The following CSGALNACT1 variants were observed in gnomAD, a reference collection of about 807,000 sequenced individuals.
CSGALNACT1 encodes chondroitin sulfate N-acetylgalactosaminyltransferase 1, also known as beta4GalNAcT-1.
A neutral mutation model predicts 51.0 loss-of-function variants in CSGALNACT1; 52 were observed. The ratio of observed to expected loss-of-function variants is 1.02; its 90% CI spans 0.82 to 1.29. The LOEUF (loss-of-function observed/expected upper bound fraction) is 1.29. CSGALNACT1 is among the 50% of genes most tolerant of loss of function. The probability of loss-of-function intolerance (pLI) is 0.00; values close to 1 mark genes in which losing one functional copy is unlikely to be tolerated. For missense variants in CSGALNACT1, 935 were observed against 679.2 expected (o/e 1.38, Z -4.19); for synonymous variants, 341 against 254.4 (o/e 1.34, Z -3.24).
intron 1 of CSGALNACT1, among the ~76,000 whole-genome samples, chr8:19,732,202 T>C (rs1391255144): frequency 6.6e-6 from 1 of 152,222 alleles, no homozygotes; most frequent in African/African-American, 2.4e-5. Context: ...AACGGTTGTG[T>C]TTCTCCTGCT....
At chr8:19,570,386 A>G (rs899335207) in intron 3 of CSGALNACT1, among the ~76,000 whole-genome samples, 1 of 152,158 alleles carries the variant, frequency 6.6e-6, no homozygotes, top group African/African-American at 2.4e-5. Context: ...TCCAACAAAG[A>G]ATTGTATTCT....
intron 3 of CSGALNACT1, among the ~76,000 whole-genome samples, chr8:19,518,145 T>A (rs2079924203): frequency 6.6e-6 from 1 of 152,188 alleles, no homozygotes; most frequent in Non-Finnish European, 1.5e-5. Flanking sequence ...TACTTTCTGA[T>A]ACAGGAGTTA....
At chr8:19,431,310 A>G (rs1157142847) in intron 6 of CSGALNACT1, among the ~76,000 whole-genome samples, 1 of 151,994 alleles carries the variant, frequency 6.6e-6, no homozygotes, top group Non-Finnish European at 1.5e-5. Flanking sequence ...GGTTTTTTGT[A>G]TGTGTCCTTT....
intron 3 of CSGALNACT1, among the ~76,000 whole-genome samples, chr8:19,583,865 G>A (rs543536739): frequency 1.6e-4 from 24 of 152,262 alleles, no homozygotes; most frequent in African/African-American, 5.8e-4. Flanking sequence ...TCCCAAATCT[G>A]TTGCCCACAT....
intron 4 of CSGALNACT1, among the ~76,000 whole-genome samples, chr8:19,492,328 G>T (rs2074527012): frequency 6.6e-6 from 1 of 152,156 alleles, no homozygotes; most frequent in African/African-American, 2.4e-5. Context: ...GCATACTGCT[G>T]GGCTATGCCT....
chr8:19,444,664 G>C (rs775433909), intron 5 of CSGALNACT1, among the ~76,000 whole-genome samples: 5 of 152,186 alleles, frequency 3.3e-5, no homozygotes, highest in Non-Finnish European at 7.3e-5. Context: ...TGCTTTTAAT[G>C]ATGACACCTA....
chr8:19,417,481 C>T (rs1434913213), intron 8 of CSGALNACT1, among the ~76,000 whole-genome samples: 2 of 152,130 alleles, frequency 1.3e-5, no homozygotes, highest in Non-Finnish European at 2.9e-5. Context: ...TTTCTAGAAG[C>T]TTACACACAA....
At chr8:19,606,723 C>G (rs2051425552), upstream of CSGALNACT1, among the ~76,000 whole-genome samples, 1 of 152,112 alleles carries the variant, frequency 6.6e-6, no homozygotes, top group African/African-American at 2.4e-5. Flanking sequence ...TTCTTCACTT[C>G]AATTTCTTAC....
chr8:19,424,612 T>C (rs1381721609), intron 6 of CSGALNACT1, among the ~76,000 whole-genome samples: 1 of 152,154 alleles, frequency 6.6e-6, no homozygotes, highest in Non-Finnish European at 1.5e-5. Flanking sequence ...TAGAACAGGA[T>C]ATGACAAGAT....
At chr8:19,500,131 A>G (rs4317590) in intron 4 of CSGALNACT1, among the ~76,000 whole-genome samples, 70,442 of 152,068 alleles carry the variant, frequency 0.46, 17,114 homozygotes, top group East Asian at 0.84. Context: ...GGAACCTTCT[A>G]TCACACAGGC....
At chr8:19,478,222 G>A (rs959671892) in intron 4 of CSGALNACT1, among the ~76,000 whole-genome samples, 2 of 152,082 alleles carry the variant, frequency 1.3e-5, no homozygotes, top group Admixed American at 6.5e-5. Flanking sequence ...AGACCATCCT[G>A]GCTAACATGG....
At chr8:19,741,377 A>G (rs2064303045) in intron 1 of CSGALNACT1, among the ~76,000 whole-genome samples, 2 of 152,138 alleles carry the variant, frequency 1.3e-5, no homozygotes, top group Non-Finnish European at 2.9e-5. Flanking sequence ...AGCCCAGCCA[A>G]GATGGTGAAA....
chr8:19,644,643 G>A (rs532634905), intron 1 of CSGALNACT1, among the ~76,000 whole-genome samples: 2 of 144,850 alleles, frequency 1.4e-5, no homozygotes, highest in East Asian at 4.2e-4. Context: ...CCGGGAGGCA[G>A]AGGTTGCAGT....
At chr8:19,496,939 C>A (rs904457848) in intron 4 of CSGALNACT1, among the ~76,000 whole-genome samples, 1 of 152,152 alleles carries the variant, frequency 6.6e-6, no homozygotes, top group African/African-American at 2.4e-5. Flanking sequence ...CGGGAGGGGA[C>A]AGGAGCTCCC....
At chr8:19,474,106 C>G (rs999833671) in intron 4 of CSGALNACT1, among the ~76,000 whole-genome samples, 1 of 152,076 alleles carries the variant, frequency 6.6e-6, no homozygotes, top group Non-Finnish European at 1.5e-5. Context: ...AACAATGGTC[C>G]AGATCCATGG....
intron 1 of CSGALNACT1, among the ~76,000 whole-genome samples, chr8:19,737,215 C>T (rs899212277): frequency 3.3e-5 from 5 of 152,046 alleles, no homozygotes; most frequent in Non-Finnish European, 7.4e-5. Flanking sequence ...TTACTTCCAA[C>T]AGGCCCTTAC....
At chr8:19,481,629 T>C (rs556219772) in intron 4 of CSGALNACT1, among the ~76,000 whole-genome samples, 3 of 152,246 alleles carry the variant, frequency 2.0e-5, no homozygotes, top group African/African-American at 7.2e-5. Context: ...TAAGCACACA[T>C]CCTTATGGTC....
chr8:19,414,179 C>G (rs1386682863), intron 8 of CSGALNACT1, among the ~76,000 whole-genome samples: 1 of 152,196 alleles, frequency 6.6e-6, no homozygotes, highest in South Asian at 2.1e-4. Flanking sequence ...CTTCAGAGAG[C>G]AGGTTGTTAA....
At chr8:19,739,447 G>A (rs539696179) in intron 1 of CSGALNACT1, among the ~76,000 whole-genome samples, 7 of 152,072 alleles carry the variant, frequency 4.6e-5, no homozygotes, top group Admixed American at 4.6e-4. Flanking sequence ...GATGAAGAAA[G>A]ACCACATGAC....
Sources: gnomAD v4.1 joint callset for allele counts (sites outside exome capture counted in the v4.1 genomes callset) on GRCh38, gnomAD v4.1.1 for gene constraint, MANE v1.5 for transcripts, NCBI Gene and HGNC (gene_info 2026-07-23, HGNC 2026-07-21) for gene names.